The following KDM3B variants were observed in gnomAD, a reference collection of about 807,000 sequenced individuals.
KDM3B encodes the protein lysine-specific demethylase 3B.
KDM3B carries 10 observed loss-of-function variants against 170.0 expected under a neutral mutation model. The observed-to-expected ratio is 0.06, with a 90% CI of 0.04 to 0.10. KDM3B has a LOEUF of 0.10. KDM3B is among the 10% of genes least tolerant of loss of function. KDM3B has a pLI of 1.00. For synonymous variants in KDM3B, 831 were observed against 834.8 expected, an observed-to-expected ratio of 1.00 and a Z score of 0.08; for missense variants, 1,394 against 2,195.2, an observed-to-expected ratio of 0.64 and a Z score of 7.29.
At chr5:138,425,922 C>G (rs1763379747) in intron 17 of KDM3B, 1 of 168,330 alleles carries the variant, frequency 5.9e-6, no homozygotes, top group Non-Finnish European at 1.3e-5. Context: ...AGGACAGTCA[C>G]TTGAACCCAG....
chr5:138,419,670 T>TAA (rs1763209862), intron 14 of KDM3B, among the ~76,000 whole-genome samples: 1 of 57,844 alleles, frequency 1.7e-5, no homozygotes, highest in Non-Finnish European at 3.6e-5. Context: ...AAAAAAAAAA[T>TAA]ATATATATAT....
chr5:138,394,147 G>A (rs1561775750), intron 9 of KDM3B, among the ~76,000 whole-genome samples: 1 of 152,120 alleles, frequency 6.6e-6, no homozygotes, highest in Non-Finnish European at 1.5e-5. Context: ...AGCACTTTGG[G>A]AGGCCGAAGC....
chr5:138,412,756 A>AG (rs1465164352), intron 11 of KDM3B, among the ~76,000 whole-genome samples: 1 of 152,126 alleles, frequency 6.6e-6, no homozygotes, highest in Non-Finnish European at 1.5e-5. Context: ...GTCCAGCAGG[A>AG]GGTTGACACC....
chr5:138,374,308 G>T, intron 2 of KDM3B: 1 of 442,416 alleles, frequency 2.3e-6, no homozygotes, highest in Non-Finnish European at 4.5e-6. Context: ...TGTTGCTCAG[G>T]CTGGAGTGCA....
At chr5:138,379,835 G>A in intron 5 of KDM3B, 127 bp downstream of exon 5, 2 of 818,852 alleles carry the variant, frequency 2.4e-6, no homozygotes, top group Non-Finnish European at 3.7e-6. Flanking sequence ...CTTAATAGTT[G>A]TATAACCCCT....
At chr5:138,397,321 C>T (rs910094437) in intron 9 of KDM3B, among the ~76,000 whole-genome samples, 7 of 151,696 alleles carry the variant, frequency 4.6e-5, no homozygotes, top group Non-Finnish European at 7.4e-5. Context: ...GGTGGCAGAG[C>T]GAGACTCTGT....
rs924884208 is a variant in KDM3B, at chr5:138,428,437, C to G, written c.4753+351C>G. The stretch of plus-strand genomic sequence containing the variant: ...TGTTGGCCAGGCTGGTCTCAAACTC[C>G]TGACCTCAGGTGATCCGTCTGCCTC... On this transcript the variant is annotated intron_variant, in intron 20 of 23. Coordinates refer to ENST00000314358, the MANE Select transcript of KDM3B (RefSeq NM_016604.4). Among the ~76,000 whole-genome samples, 4 of 152,174 alleles carry G rather than the reference C, an allele frequency of 2.6e-5. No individual in the cohort carries two copies. The East Asian group carries it at 7.7e-4, about 29-fold the overall frequency.
In KDM3B at chr5:138,415,048, C is replaced by T. The variant is rs576370890; in HGVS notation, c.3200-84C>T. The T allele has an allele frequency of 7.2e-6, 6 of 830,052 alleles. No individual in the cohort carries two copies. In the East Asian group the frequency reaches 1.5e-4, roughly 21 times the overall value. The allele number at this position is 830,052 out of a possible 1,614,324, so 51.4% of individuals were successfully genotyped here. On this transcript the variant is annotated intron_variant, in intron 11 of 23. Transcript: ENST00000314358. ...TCTCCTTCAGCCATGAGAAAATTGGCCTTTGGGGTTCTGAAACTCCATTCA... is the reference window on the plus strand; with the variant it reads ...TCTCCTTCAGCCATGAGAAAATTGGTCTTTGGGGTTCTGAAACTCCATTCA...
chr5:138,428,204 T>A, intron 20 of KDM3B, 118 bp downstream of exon 20: 2 of 1,071,972 alleles, frequency 1.9e-6, no homozygotes, highest in Non-Finnish European at 2.6e-6. Flanking sequence ...TTCTTTTTTC[T>A]GTTTTTTTTT....
Position 138,398,019 on chromosome 5 carries a change from T to G in KDM3B, c.2832-159T>G, listed in dbSNP as rs1762589484. The G allele has an allele frequency of 8.6e-6, 5 of 584,738 alleles. No individual in the cohort carries two copies. The East Asian group carries it at 1.4e-4, about 17-fold the overall frequency. 36.2% of individuals were successfully genotyped at this position (584,738 alleles called of 1,614,324 possible). A position where few individuals can be genotyped will look rare whatever the true frequency, so the allele number is the denominator to read the frequency against. ...CTACTAAATGTTATGTTAACAAGCT[T>G]TACTATTAGCAGAGAATGCATACTG... is the stretch of plus-strand genomic sequence containing the variant. On this transcript the variant is annotated intron_variant, in intron 9 of 23. Transcript: ENST00000314358.
chr5:138,398,148 C>A, intron 9 of KDM3B, 30 bp from the exon 10 acceptor site: 2 of 1,550,464 alleles, frequency 1.3e-6, no homozygotes, highest in South Asian at 1.2e-5. Flanking sequence ...GTTGCTCCTG[C>A]GATTTACCAT....
intron 9 of KDM3B, 71 bp downstream of exon 9, chr5:138,393,443 G>A (rs1482354460): frequency 1.6e-6 from 2 of 1,257,358 alleles, no homozygotes; most frequent in Admixed American, 2.0e-5. Context: ...CTTTCTCTGA[G>A]TCTATAAACA....
Position 138,375,160 on chromosome 5 carries a change from G to A in KDM3B, c.428G>A (p.Arg143Gln), listed in dbSNP as rs1761965343. The change falls in exon 3 of 24, where the codon CGA becomes CAA. Residue 143 changes from arginine (R) to glutamine (Q), a missense_variant. Transcript: ENST00000314358. ...SVVPVEYLLD[R>Q]ELRFLSDANG... ...GTTCCAGTGGAATATCTTCTGGATC[G>A]AGAGCTTCGGTTCCTGTCAGATGCC... The A allele has an allele frequency of 6.2e-7, 1 of 1,613,688 alleles. No homozygotes were observed. Among genetic ancestry groups the A allele is most frequent in the African/African-American group, 1.3e-5 (1 of 74,886 alleles).
At chr5:138,400,772 A>G (rs2126963372) in intron 11 of KDM3B, among the ~76,000 whole-genome samples, 1 of 151,944 alleles carries the variant, frequency 6.6e-6, no homozygotes, top group African/African-American at 2.4e-5. Flanking sequence ...TAAATCTACA[A>G]GGTTGTACAG....
intron 1 of KDM3B, among the ~76,000 whole-genome samples, chr5:138,362,891 C>A (rs1029573504): frequency 2.0e-5 from 3 of 149,426 alleles, no homozygotes; most frequent in African/African-American, 7.3e-5. Flanking sequence ...CCCTCTCCCC[C>A]CAATAATTAT....
chr5:138,387,882 C>T (rs1220958638), intron 7 of KDM3B, among the ~76,000 whole-genome samples: 4 of 152,094 alleles, frequency 2.6e-5, no homozygotes, highest in African/African-American at 2.4e-5. Context: ...GAGATCAAGA[C>T]CATCCTGGCT....
chr5:138,408,884 A>G (rs1762891946), intron 11 of KDM3B, among the ~76,000 whole-genome samples: 1 of 152,140 alleles, frequency 6.6e-6, no homozygotes, highest in African/African-American at 2.4e-5. Context: ...CTTGCTTGGG[A>G]GGGAGAATCT....
At chr5:138,381,194 A>G (rs1194176663) in intron 5 of KDM3B, among the ~76,000 whole-genome samples, 1 of 152,062 alleles carries the variant, frequency 6.6e-6, no homozygotes, top group African/African-American at 2.4e-5. Context: ...TCTTTTAATG[A>G]TTATTGGTTC....
Position 138,392,174 on chromosome 5 carries a change from A to G in KDM3B, c.2542A>G (p.Asn848Asp), listed in dbSNP as rs758674221. The G allele has an allele frequency of 6.4e-7, 1 of 1,568,952 alleles. No individual in the cohort carries two copies. Among genetic ancestry groups the G allele is most frequent in the Admixed American group, 1.8e-5 (1 of 56,244 alleles). The change falls in exon 8 of 24, where the codon AAT becomes GAT. Residue 848 changes from asparagine to aspartate, a missense_variant. Physicochemically the swap from Asn to Asp is conservative, Grantham distance 23 (BLOSUM62 1). Transcript: ENST00000314358. ...GCACCTGATGGGGAAGCTGGGCCCC[A>G]ATGGGGAGCGCAGTGCTGAGCTGTT... The part of the protein sequence containing the change: ...PEHLMGKLGP[N>D]GERSAELLLG...
Sources: gnomAD v4.1 joint callset for allele counts (sites outside exome capture counted in the v4.1 genomes callset) on GRCh38, gnomAD v4.1.1 for gene constraint, MANE v1.5 for transcripts, NCBI Gene and HGNC (gene_info 2026-07-23, HGNC 2026-07-21) for gene names.